The following ATP2C2 variants were observed in gnomAD, a reference collection of about 807,000 sequenced individuals.
ATP2C2 encodes the protein calcium-transporting ATPase type 2C member 2.
A neutral mutation model predicts 110.8 loss-of-function variants in ATP2C2; 171 were observed. That is an observed-to-expected ratio of 1.54 (90% CI 1.36 to 1.75). ATP2C2 has a LOEUF of 1.75. Among genes scored for constraint, ATP2C2 ranks in the 40% most tolerant of loss-of-function variants. ATP2C2 has a pLI of 0.00. For synonymous variants in ATP2C2, 804 were observed against 508.4 expected (o/e 1.58, Z -7.82); for missense variants, 1,963 against 1,235.0 (o/e 1.59, Z -8.84).
At chr16:84,462,171 G>A (rs1165815286) in intron 26 of ATP2C2, 42 bp downstream of exon 26, 1 of 1,584,782 alleles carries the variant, frequency 6.3e-7, no homozygotes, top group Non-Finnish European at 8.6e-7. Flanking sequence ...CTCGACCAGG[G>A]CCATGGGGGG....
chr16:84,414,362 C>G (rs571515469), intron 6 of ATP2C2, among the ~76,000 whole-genome samples: 4 of 152,332 alleles, frequency 2.6e-5, no homozygotes, highest in South Asian at 4.1e-4. Context: ...CTTGTGCCCA[C>G]TGGGGTTGCA....
In ATP2C2 at chr16:84,454,836, G is replaced by A. The variant is rs1376102808; in HGVS notation, c.1999G>A (p.Ala667Thr). 6.2e-7 allele frequency: 1 copy of A among 1,610,692 alleles called. No individual in the cohort carries two copies. Among genetic ancestry groups the A allele is most frequent in the Non-Finnish European group, 8.5e-7 (1 of 1,178,652 alleles). ...TCCAAAGGCTCTGCAGGAGTCAGGGGCGATCGTGGCCATGACTGGGGATGG... is the reference window on the plus strand; with the variant it reads ...TCCAAAGGCTCTGCAGGAGTCAGGGACGATCGTGGCCATGACTGGGGATGG... The part of the protein sequence containing the change: ...KIIKALQESG[A>T]IVAMTGDGVN... The change falls in exon 21 of 27, where the codon GCG becomes ACG. Residue 667 changes from alanine (A) to threonine (T), a missense_variant. Transcript: ENST00000262429.
Position 84,410,756 on chromosome 16 carries a change from A to C in ATP2C2, c.506A>C (p.Glu169Ala). 6.2e-7 allele frequency: 1 copy of C among 1,614,070 alleles called. No individual in the cohort carries two copies. Among genetic ancestry groups the C allele is most frequent in the Non-Finnish European group, 8.5e-7 (1 of 1,179,964 alleles). The change falls in exon 6 of 27, where the codon GAA becomes GCA. Residue 169 changes from glutamate (E) to alanine (A), a missense_variant. Glu to Ala is a moderately radical substitution (Grantham distance 107). Coordinates refer to ENST00000262429, the MANE Select transcript of ATP2C2 (RefSeq NM_014861.4). ...GAGCTGACCAAGCTGGTTCCTCCAG[A>C]ATGTAACTGGTAAGTCAGAGCCTCC... is the stretch of plus-strand genomic sequence containing the variant. ...LEELTKLVPP[E>A]CNCLREGKLQ...
At chr16:84,428,930 T>C (rs1908020035) in intron 11 of ATP2C2, among the ~76,000 whole-genome samples, 1 of 152,230 alleles carries the variant, frequency 6.6e-6, no homozygotes, top group African/African-American at 2.4e-5. Context: ...GCAGTGGTGC[T>C]GTACAGGTGT....
At chr16:84,385,937 A>T (rs114856087) in intron 1 of ATP2C2, among the ~76,000 whole-genome samples, 85 of 152,352 alleles carry the variant, frequency 5.6e-4, no homozygotes, top group African/African-American at 1.9e-3. Context: ...GTCCTAGTTG[A>T]TTAAATATGC....
intron 14 of ATP2C2, 115 bp from the exon 15 acceptor site, chr16:84,442,395 T>A (rs929194837): frequency 2.9e-5 from 27 of 944,146 alleles, no homozygotes; most frequent in Non-Finnish European, 2.6e-5. Context: ...TGAGTTGTTT[T>A]AAAGAGCAAG....
At chr16:84,423,414 C>G (rs1907533752) in intron 10 of ATP2C2, 151 bp downstream of exon 10, 4 of 710,140 alleles carry the variant, frequency 5.6e-6, no homozygotes, top group Non-Finnish European at 9.5e-6. Flanking sequence ...GCAACAAGAG[C>G]TTTCTGTATA....
chr16:84,440,135 G>C (rs1909110364), intron 13 of ATP2C2, among the ~76,000 whole-genome samples: 1 of 152,238 alleles, frequency 6.6e-6, no homozygotes, highest in Non-Finnish European at 1.5e-5. Flanking sequence ...ACCACGCCCA[G>C]CCTGTTTTAT....
At chr16:84,401,634 C>T (rs1905329249) in intron 2 of ATP2C2, among the ~76,000 whole-genome samples, 1 of 152,124 alleles carries the variant, frequency 6.6e-6, no homozygotes, top group African/African-American at 2.4e-5. Context: ...AAAACGAGTT[C>T]ACTGTAGATG....
At chr16:84,387,740 G>C (rs536623639) in intron 1 of ATP2C2, among the ~76,000 whole-genome samples, 3 of 152,096 alleles carry the variant, frequency 2.0e-5, no homozygotes, top group African/African-American at 7.2e-5. Context: ...CCTTGAGTGC[G>C]TCTCCCAAGA....
chr16:84,387,730 C>T (rs1012224469), intron 1 of ATP2C2, among the ~76,000 whole-genome samples: 6 of 152,138 alleles, frequency 3.9e-5, no homozygotes, highest in Non-Finnish European at 5.9e-5. Context: ...CTGGGTTGGC[C>T]CTTGAGTGCG....
In ATP2C2 at chr16:84,462,088, C is replaced by T. The variant is rs201787876; in HGVS notation, c.2681C>T (p.Pro894Leu). 76 of 1,613,906 alleles carry T rather than the reference C, an allele frequency of 4.7e-5. No homozygotes were observed. Among genetic ancestry groups the T allele is most frequent in the East Asian group, 2.7e-4 (12 of 44,868 alleles). The change falls in exon 26 of 27, where the codon CCG becomes CTG. Residue 894 changes from proline (P) to leucine (L), a missense_variant. By Grantham distance (98) the Pro-to-Leu change is moderately conservative (BLOSUM62 -3). Transcript: ENST00000262429. Reference protein sequence around the residue: ...LGQLAVIYIPPLQRVFQTENL... With the variant: ...LGQLAVIYIPLLQRVFQTENL... ...CAGCTGGCGGTCATTTACATCCCCC[C>T]GCTGCAGAGGGTCTTCCAGACGGAG... is the stretch of plus-strand genomic sequence containing the variant.
intron 7 of ATP2C2, among the ~76,000 whole-genome samples, chr16:84,417,723 C>T (rs1209664879): frequency 6.6e-6 from 1 of 152,186 alleles, no homozygotes; most frequent in Non-Finnish European, 1.5e-5. Flanking sequence ...GACACTCCAT[C>T]TGTACAAAAA....
intron 23 of ATP2C2, 61 bp downstream of exon 23, chr16:84,459,447 G>T: frequency 6.2e-7 from 1 of 1,604,720 alleles, no homozygotes; most frequent in East Asian, 2.2e-5. Context: ...CTTCCTCCAG[G>T]GGCTGCTGGC....
intron 11 of ATP2C2, among the ~76,000 whole-genome samples, chr16:84,428,079 C>A (rs903933931): frequency 6.6e-6 from 1 of 152,158 alleles, no homozygotes; most frequent in Non-Finnish European, 1.5e-5. Flanking sequence ...CTGTAATGAT[C>A]ATTACAGTGA....
chr16:84,402,732 G>A (rs1463094888), intron 2 of ATP2C2, among the ~76,000 whole-genome samples: 4 of 152,200 alleles, frequency 2.6e-5, no homozygotes, highest in Admixed American at 2.6e-4. Flanking sequence ...ATAGTCATCA[G>A]TGATATTGGC....
chr16:84,412,536 G>T (rs964368116), intron 6 of ATP2C2, among the ~76,000 whole-genome samples: 2 of 138,414 alleles, frequency 1.4e-5, no homozygotes, highest in Non-Finnish European at 3.1e-5. Context: ...GCATGTGTCT[G>T]TGTGTGTATG....
intron 7 of ATP2C2, among the ~76,000 whole-genome samples, chr16:84,421,187 C>T (rs17741642): frequency 0.23 from 34,604 of 152,138 alleles, 4,218 homozygotes; most frequent in Non-Finnish European, 0.27. Flanking sequence ...TCCTCAGCAT[C>T]GCTCAGTGAC....
At chr16:84,401,710 C>A (rs180822037) in intron 2 of ATP2C2, among the ~76,000 whole-genome samples, 1 of 152,036 alleles carries the variant, frequency 6.6e-6, no homozygotes, top group Non-Finnish European at 1.5e-5. Flanking sequence ...TATGACAGTA[C>A]CATGCTGTTT....
Sources: allele counts gnomAD v4.1 joint callset (sites outside exome capture counted in the v4.1 genomes callset), GRCh38; gene constraint gnomAD v4.1.1; transcripts MANE v1.5; gene names NCBI Gene and HGNC (gene_info 2026-07-23, HGNC 2026-07-21).